Variants in SNX9 observed in about 807,000 individuals in gnomAD.
The protein encoded by SNX9 is sorting nexin-9.
In SNX9, 44 loss-of-function variants were observed where a neutral mutation model predicts 89.4. The ratio of observed to expected loss-of-function variants is 0.49; its 90% CI spans 0.39 to 0.63. The LOEUF (loss-of-function observed/expected upper bound fraction) is 0.63. Ranked by LOEUF, SNX9 falls within the 30% of genes least tolerant of loss-of-function variation. The probability of loss-of-function intolerance (pLI) is 0.00; values close to 1 mark genes in which losing one functional copy is unlikely to be tolerated. For synonymous variants in SNX9, 236 were observed against 247.8 expected, an observed-to-expected ratio of 0.95 and a Z score of 0.45; for missense variants, 578 against 736.1, an observed-to-expected ratio of 0.79 and a Z score of 2.49.
At chr6:157,911,074 C>A (rs1213719666) in intron 9 of SNX9, among the ~76,000 whole-genome samples, 2 of 152,118 alleles carry the variant, frequency 1.3e-5, no homozygotes, top group East Asian at 3.9e-4. Flanking sequence ...GATTGCGCCA[C>A]CGCACTCCAG....
Position 157,896,782 on chromosome 6 carries a change from T to G in SNX9, c.301-45T>G, listed in dbSNP as rs1331819518. On this transcript the variant is annotated intron_variant, in intron 4 of 17. Transcript: ENST00000392185. ...TTCATTATTGAATTGAGTCATGGTT[T>G]CCAAAAGTCACAAAAATTCTCCTTC... The G allele has an allele frequency of 1.9e-6, 3 of 1,608,824 alleles. No homozygotes were observed. In the Admixed American group the frequency reaches 5.1e-5, roughly 27 times the overall value.
At chr6:157,865,616 A>G (rs1782246010) in intron 1 of SNX9, among the ~76,000 whole-genome samples, 1 of 152,216 alleles carries the variant, frequency 6.6e-6, no homozygotes, top group Admixed American at 6.5e-5. Context: ...GACATGGAGA[A>G]AGGTTGGAAT....
chr6:157,940,789 A>C lies in SNX9; in HGVS notation c.1649-94A>C, dbSNP rs1784020733. ...CAACAGCAGCCAACCAGATTAGGTC[A>C]GGTTGATGATTAATTGTAACTGAGC... On this transcript the variant is annotated intron_variant, in intron 16 of 17. Transcript: ENST00000392185. 1.7e-5 allele frequency: 18 copies of C among 1,071,304 alleles called. No homozygotes were observed. In the East Asian group the frequency reaches 4.3e-4, roughly 26 times the overall value. The allele number at this position is 1,071,304 out of a possible 1,614,324, so 66.4% of individuals were successfully genotyped here. A position where few individuals can be genotyped will look rare whatever the true frequency, so the allele number is the denominator to read the frequency against.
chr6:157,917,525 A>G (rs1010284514), intron 9 of SNX9, among the ~76,000 whole-genome samples: 4 of 152,090 alleles, frequency 2.6e-5, no homozygotes, highest in South Asian at 2.1e-4. Flanking sequence ...AATTTTTCTC[A>G]TAAGTTCTTA....
At chr6:157,928,832 C>T (rs1489559476) in intron 12 of SNX9, 130 bp downstream of exon 12, 2 of 629,332 alleles carry the variant, frequency 3.2e-6, no homozygotes, top group Admixed American at 3.8e-5. Context: ...TAATGTCCCT[C>T]CTGTGATTCT....
At chr6:157,875,992 G>GT (rs1352560876) in intron 4 of SNX9, among the ~76,000 whole-genome samples, 1 of 150,486 alleles carries the variant, frequency 6.6e-6, no homozygotes, top group East Asian at 2.0e-4. Flanking sequence ...TAAAAAAAAA[G>GT]TTAAAAAAAA....
At chr6:157,896,427 A>G (rs1344100722) in intron 4 of SNX9, among the ~76,000 whole-genome samples, 2 of 152,362 alleles carry the variant, frequency 1.3e-5, no homozygotes, top group African/African-American at 2.4e-5. Flanking sequence ...GGTCAATTTT[A>G]AAAATATAAA....
chr6:157,921,957 G>A (rs1481616271), intron 10 of SNX9, among the ~76,000 whole-genome samples: 1 of 152,182 alleles, frequency 6.6e-6, no homozygotes, highest in African/African-American at 2.4e-5. Context: ...TTAAAAATAG[G>A]AGGATAGGCC....
At chr6:157,894,543 G>A (rs922809647) in intron 4 of SNX9, among the ~76,000 whole-genome samples, 1 of 151,140 alleles carries the variant, frequency 6.6e-6, no homozygotes. Context: ...GGGCTAATAG[G>A]TGCTAAGTGT....
chr6:157,935,492 G>A (rs1783904661), intron 13 of SNX9, among the ~76,000 whole-genome samples: 1 of 151,990 alleles, frequency 6.6e-6, no homozygotes, highest in African/African-American at 2.4e-5. Context: ...CAGGGCACAC[G>A]ACAAATTCAA....
intron 4 of SNX9, among the ~76,000 whole-genome samples, chr6:157,886,128 T>C (rs1307002058): frequency 6.6e-6 from 1 of 152,148 alleles, no homozygotes. Context: ...TCTTGGGCCA[T>C]GTCTTAGCTG....
intron 10 of SNX9, among the ~76,000 whole-genome samples, chr6:157,922,406 G>A (rs761845093): frequency 9.9e-5 from 15 of 152,218 alleles, no homozygotes; most frequent in Non-Finnish European, 1.5e-4. Flanking sequence ...AGAAGCCACA[G>A]CAGATGCTAA....
intron 1 of SNX9, among the ~76,000 whole-genome samples, chr6:157,834,346 ATT>A (rs545841463): frequency 3.0e-5 from 4 of 133,236 alleles, no homozygotes; most frequent in Non-Finnish European, 1.6e-5. Flanking sequence ...ATTTAAAAGA[ATT>A]TTTTTTTTTT....
At chr6:157,828,307 T>A (rs4020418) in intron 1 of SNX9, among the ~76,000 whole-genome samples, 1 of 150,150 alleles carries the variant, frequency 6.7e-6, no homozygotes, top group Admixed American at 6.6e-5. Context: ...CATAAAAATG[T>A]TGCAGTTTTT....
At chr6:157,889,194 G>A (rs1280985509) in intron 4 of SNX9, among the ~76,000 whole-genome samples, 1 of 152,106 alleles carries the variant, frequency 6.6e-6, no homozygotes, top group African/African-American at 2.4e-5. Context: ...ACTTTGGGAG[G>A]CGGAGGCAGG....
chr6:157,902,692 G>T (rs568962128), intron 6 of SNX9, among the ~76,000 whole-genome samples: 5 of 152,080 alleles, frequency 3.3e-5, no homozygotes, highest in Middle Eastern at 3.4e-3. Flanking sequence ...TTTGAGACAG[G>T]CGTCTCGCTC....
In SNX9 at chr6:157,931,556, ACCTTAG is replaced by A. The variant is rs202142676; in HGVS notation, c.1289-638_1289-633del. On this transcript the variant is annotated intron_variant, in intron 12 of 17. Coordinates refer to ENST00000392185, the MANE Select transcript of SNX9 (RefSeq NM_016224.5). ...TGGAATCTTAGCACCTTAAAAAGAAACCTTAGGGGTCATTTATTGAAATCATCTCTT... is the reference window on the plus strand; with the variant it reads ...TGGAATCTTAGCACCTTAAAAAGAAAGGGTCATTTATTGAAATCATCTCTT... Among the ~76,000 whole-genome samples the A allele has an allele frequency of 1.1e-3, 164 of 152,276 alleles. 1 individual carries two copies. In the East Asian group the frequency reaches 0.027, roughly 25 times the overall value.
At chr6:157,864,145 C>T (rs1341746798) in intron 1 of SNX9, among the ~76,000 whole-genome samples, 2 of 152,162 alleles carry the variant, frequency 1.3e-5, no homozygotes, top group African/African-American at 2.4e-5. Context: ...TAGGGCCCGG[C>T]TCTGCTTCCA....
At chr6:157,918,853 T>C (rs910590279) in intron 9 of SNX9, among the ~76,000 whole-genome samples, 5 of 152,108 alleles carry the variant, frequency 3.3e-5, no homozygotes, top group African/African-American at 9.7e-5. Flanking sequence ...AAAGAAATTT[T>C]TCTCCTATAT....
Sources: gnomAD v4.1 joint callset for allele counts (sites outside exome capture counted in the v4.1 genomes callset) on GRCh38, gnomAD v4.1.1 for gene constraint, MANE v1.5 for transcripts, NCBI Gene and HGNC (gene_info 2026-07-23, HGNC 2026-07-21) for gene names.